The following HDAC9 variants were observed in gnomAD, a reference collection of about 807,000 sequenced individuals.
HDAC9 encodes the protein MEF-2 interacting transcription repressor (MITR) protein.
Under a neutral mutation model 139.4 loss-of-function variants are expected in HDAC9, and 41 were observed. The ratio of observed to expected loss-of-function variants is 0.29; its 90% CI spans 0.23 to 0.38. The LOEUF is 0.38. Among genes scored for constraint, HDAC9 ranks in the 10% least tolerant of loss-of-function variants. The pLI is 1.00. For missense variants in HDAC9, 1,147 were observed against 1,297.0 expected, an observed-to-expected ratio of 0.88 and a Z score of 1.78; for synonymous variants, 517 against 476.2, an observed-to-expected ratio of 1.09 and a Z score of -1.12.
intron 11 of HDAC9, among the ~76,000 whole-genome samples, chr7:18,661,611 A>G (rs1372357675): frequency 6.6e-6 from 1 of 152,238 alleles, no homozygotes; most frequent in Admixed American, 6.5e-5. Context: ...TATTTAAAAA[A>G]TAAGGTTTTT....
Position 18,989,842 on chromosome 7 carries a change from G to A in HDAC9, c.3171-6181G>A, listed in dbSNP as rs951440800. Among the ~76,000 whole-genome samples the A allele has an allele frequency of 2.6e-4, 37 of 144,080 alleles. 1 individual carries two copies. Among genetic ancestry groups the A allele is most frequent in the Middle Eastern group, 3.4e-3 (1 of 290 alleles). 94.5% of individuals were successfully genotyped at this position (144,080 alleles called of 152,430 possible). ...CTGATACCCTTTCTTCCAGTTGATC[G>A]CATCGGCTCCTGAGGCTTCTGCATT... is the stretch of plus-strand genomic sequence containing the variant. On this transcript the variant is annotated intron_variant, in intron 25 of 25. Coordinates refer to ENST00000686413, the MANE Select transcript of HDAC9 (RefSeq NM_178425.4).
intron 22 of HDAC9, among the ~76,000 whole-genome samples, chr7:18,917,966 CATT>C (rs1400454533): frequency 6.6e-6 from 1 of 151,962 alleles, no homozygotes; most frequent in African/African-American, 2.4e-5. Context: ...GATAGTGTGT[CATT>C]AGCGTTGACA....
At chr7:18,323,095 C>A (rs1192812665) in intron 1 of HDAC9, among the ~76,000 whole-genome samples, 1 of 152,100 alleles carries the variant, frequency 6.6e-6, no homozygotes, top group Non-Finnish European at 1.5e-5. Flanking sequence ...GTTATTTATC[C>A]TTTCTTAAGG....
intron 2 of HDAC9, among the ~76,000 whole-genome samples, chr7:18,261,792 T>G (rs1049948204): frequency 1.3e-5 from 2 of 152,192 alleles, no homozygotes; most frequent in African/African-American, 2.4e-5. Context: ...CCCTTTGTTT[T>G]TGTTGCAGAA....
chr7:18,502,221 AAG>A (rs1158853047), intron 2 of HDAC9: 4 of 152,236 alleles, frequency 2.6e-5, no homozygotes, highest in African/African-American at 9.6e-5. Flanking sequence ...TCCAGAGACA[AAG>A]AGGGGAAACT....
chr7:18,401,823 C>T (rs1164671978), intron 1 of HDAC9, among the ~76,000 whole-genome samples: 1 of 151,968 alleles, frequency 6.6e-6, no homozygotes, highest in African/African-American at 2.4e-5. Flanking sequence ...TTTTTTTATA[C>T]AGGCAGTTTC....
intron 6 of HDAC9, among the ~76,000 whole-genome samples, chr7:18,620,673 G>C (rs1839979320): frequency 6.6e-6 from 1 of 152,128 alleles, no homozygotes; most frequent in Non-Finnish European, 1.5e-5. Flanking sequence ...GCTGCTCTTA[G>C]AGGGAACTGA....
At chr7:18,328,065 C>G (rs1185931753) in intron 1 of HDAC9, among the ~76,000 whole-genome samples, 1 of 151,788 alleles carries the variant, frequency 6.6e-6, no homozygotes, top group African/African-American at 2.4e-5. Context: ...GGCTGAGAAA[C>G]CTTTTTGCTT....
At chr7:18,453,434 C>T (rs1408440540) in intron 1 of HDAC9, among the ~76,000 whole-genome samples, 2 of 152,082 alleles carry the variant, frequency 1.3e-5, no homozygotes, top group African/African-American at 2.4e-5. Context: ...CATAAATAGG[C>T]AAATATTTTT....
At chr7:18,367,612 T>C (rs1329210244) in intron 1 of HDAC9, among the ~76,000 whole-genome samples, 1 of 152,148 alleles carries the variant, frequency 6.6e-6, no homozygotes, top group Admixed American at 6.6e-5. Context: ...TTACATTGTT[T>C]TAGGCTTTGC....
At chr7:18,358,819 T>C (rs1184045090) in intron 1 of HDAC9, among the ~76,000 whole-genome samples, 1 of 152,196 alleles carries the variant, frequency 6.6e-6, no homozygotes, top group Non-Finnish European at 1.5e-5. Flanking sequence ...CTCACTGATA[T>C]TTCTGAACTG....
chr7:18,547,857 T>G (rs1261011049), intron 2 of HDAC9, among the ~76,000 whole-genome samples: 1 of 118,498 alleles, frequency 8.4e-6, no homozygotes. Flanking sequence ...CCTTCCTTCC[T>G]ACCCTCCCTC....
intron 17 of HDAC9, 143 bp from the exon 18 acceptor site, chr7:18,829,018 G>C (rs1795665159): frequency 3.0e-6 from 2 of 673,522 alleles, no homozygotes; most frequent in Non-Finnish European, 5.5e-6. Flanking sequence ...GGCAATGGGG[G>C]AACAAAAACA....
In HDAC9 at chr7:18,960,597, A is replaced by G. The variant is rs190672287; in HGVS notation, c.3022+6367A>G. On this transcript the variant is annotated intron_variant, in intron 24 of 25. Coordinates refer to ENST00000686413, the MANE Select transcript of HDAC9 (RefSeq NM_178425.4). ...ATAAAATACTAAATAAACACTGTCA[A>G]TGTATTAGAATGAATAATCAAAATA... 6.6e-5 allele frequency among the ~76,000 whole-genome samples: 10 copies of G among 152,298 alleles called. No homozygotes were observed. The East Asian group carries it at 1.9e-3, about 29-fold the overall frequency.
chr7:18,605,259 A>G (rs1270614991), intron 6 of HDAC9, among the ~76,000 whole-genome samples: 2 of 152,212 alleles, frequency 1.3e-5, no homozygotes, highest in African/African-American at 4.8e-5. Context: ...GGCGTTGGAC[A>G]GGAGAAATGT....
chr7:18,419,276 ATG>A (rs1562968564), intron 1 of HDAC9, among the ~76,000 whole-genome samples: 1 of 152,224 alleles, frequency 6.6e-6, no homozygotes, highest in Non-Finnish European at 1.5e-5. Context: ...AATAATAAAT[ATG>A]TGTCAATTAT....
intron 22 of HDAC9, among the ~76,000 whole-genome samples, chr7:18,910,291 T>G (rs926520604): frequency 8.5e-5 from 13 of 152,122 alleles, no homozygotes; most frequent in African/African-American, 3.1e-4. Context: ...GTTAAATATT[T>G]TCTCATATAT....
chr7:18,890,080 G>A (rs1800545094), intron 22 of HDAC9, among the ~76,000 whole-genome samples: 1 of 152,134 alleles, frequency 6.6e-6, no homozygotes, highest in African/African-American at 2.4e-5. Context: ...ATGCAAATAG[G>A]ACTATATCTC....
At chr7:18,943,471 A>G (rs952672282) in intron 23 of HDAC9, among the ~76,000 whole-genome samples, 3 of 152,010 alleles carry the variant, frequency 2.0e-5, no homozygotes, top group African/African-American at 7.2e-5. Context: ...ACTGCCATAG[A>G]TGTTTAAATA....
Sources: allele counts gnomAD v4.1 joint callset (sites outside exome capture counted in the v4.1 genomes callset), GRCh38; gene constraint gnomAD v4.1.1; transcripts MANE v1.5; gene names NCBI Gene and HGNC (gene_info 2026-07-23, HGNC 2026-07-21).